The following CNKSR3 variants were observed in gnomAD, a reference collection of about 807,000 sequenced individuals.
The protein encoded by CNKSR3 is connector enhancer of kinase suppressor of ras 3.
Under a neutral mutation model 67.7 loss-of-function variants are expected in CNKSR3, and 36 were observed. The ratio of observed to expected loss-of-function variants is 0.53; its 90% CI spans 0.41 to 0.70. The LOEUF is 0.70. Ranked by LOEUF, CNKSR3 falls within the 30% of genes least tolerant of loss-of-function variation. The pLI is 0.00. For missense variants in CNKSR3, 630 were observed against 695.2 expected, an observed-to-expected ratio of 0.91 and a Z score of 1.05; for synonymous variants, 281 against 271.4, an observed-to-expected ratio of 1.04 and a Z score of -0.35.
In CNKSR3 at chr6:154,403,494, C is replaced by T. The variant is rs970727609; in HGVS notation, c.*2860G>A. The T allele has an allele frequency of 2.0e-5, 3 of 151,982 alleles. No individual in the cohort carries two copies. Among genetic ancestry groups the T allele is most frequent in the Admixed American group, 6.6e-5 (1 of 15,232 alleles). The allele number at this position is 151,982 out of a possible 1,614,324, so 9.4% of individuals were successfully genotyped here. On this transcript the variant is annotated 3_prime_UTR_variant, in exon 13 of 13. Coordinates refer to ENST00000607772, the MANE Select transcript of CNKSR3 (RefSeq NM_173515.4). ...TCAAGCAACTTCATATGTGAACACA[C>T]GTCCACAATTAAACCTGGATTACTA...
intron 1 of CNKSR3, among the ~76,000 whole-genome samples, chr6:154,476,902 C>T (rs1026627316): frequency 1.3e-5 from 2 of 152,004 alleles, no homozygotes; most frequent in Admixed American, 1.3e-4. Flanking sequence ...GACCTTAAAC[C>T]AGGTCTTAAG....
chr6:154,425,460 A>G (rs73790966), intron 7 of CNKSR3, among the ~76,000 whole-genome samples: 113 of 152,350 alleles, frequency 7.4e-4, no homozygotes, highest in African/African-American at 2.5e-3. Flanking sequence ...GCTCTTGCCT[A>G]TCTTCACCAT....
chr6:154,484,519 C>T (rs1786626624), intron 1 of CNKSR3, among the ~76,000 whole-genome samples: 1 of 152,016 alleles, frequency 6.6e-6, no homozygotes, highest in Admixed American at 6.6e-5. Flanking sequence ...GCCTGACCAA[C>T]ATGGTGAAAC....
intron 1 of CNKSR3, among the ~76,000 whole-genome samples, chr6:154,506,304 G>A (rs904191022): frequency 1.3e-5 from 2 of 151,964 alleles, no homozygotes; most frequent in Non-Finnish European, 2.9e-5. Flanking sequence ...GGAAAAGAGA[G>A]GAAAGGGGAG....
At chr6:154,451,539 GCACAGATGCACA>G (rs1278672597) in intron 1 of CNKSR3, among the ~76,000 whole-genome samples, 233 of 14,828 alleles carry the variant, frequency 0.016, no homozygotes, top group African/African-American at 0.076. Flanking sequence ...ACACGCACAC[GCACAGATGCACA>G]CACACATTTA....
chr6:154,441,206 A>C, intron 4 of CNKSR3, 86 bp downstream of exon 4: 1 of 985,290 alleles, frequency 1.0e-6, no homozygotes, highest in Non-Finnish European at 1.5e-6. Context: ...GTAGTACTTC[A>C]TACCTGCATG....
At chr6:154,456,994 T>C (rs1442733923) in intron 1 of CNKSR3, among the ~76,000 whole-genome samples, 1 of 152,084 alleles carries the variant, frequency 6.6e-6, no homozygotes, top group East Asian at 1.9e-4. Context: ...CTGACCACAA[T>C]ATTCTCAGAA....
chr6:154,414,333 T>C lies in CNKSR3; in HGVS notation c.1036A>G (p.Ile346Val), dbSNP rs1784970120. The C allele has an allele frequency of 1.9e-6, 3 of 1,611,208 alleles. No homozygotes were observed. Among genetic ancestry groups the C allele is most frequent in the Non-Finnish European group, 2.5e-6 (3 of 1,178,862 alleles). Residue 346 changes from isoleucine to valine, a missense_variant, in exon 10 of 13, where the codon ATT (isoleucine) becomes GTT (valine). Transcript: ENST00000607772. ...TAGGGAACAGCAGGCGGAGGAGGAA[T>C]ATAAAGATCCAGGATGGCTGACTTC... ...KEKSAILDLYIPPPPAVPYSP... is the reference protein window; with the variant it reads ...KEKSAILDLYVPPPPAVPYSP...
intron 9 of CNKSR3, among the ~76,000 whole-genome samples, chr6:154,415,227 C>CCTTTTTTTTTTTTTTTTTTTT (rs773533317): frequency 1.8e-5 from 2 of 112,764 alleles, no homozygotes; most frequent in Admixed American, 9.5e-5. Flanking sequence ...ACTAGCTGCC[C>CCTTTTTTTTTTTTTTTTTTTT]ATTTTTTTTT....
At chr6:154,427,336 A>G (rs1785277036) in intron 7 of CNKSR3, among the ~76,000 whole-genome samples, 1 of 152,162 alleles carries the variant, frequency 6.6e-6, no homozygotes, top group Non-Finnish European at 1.5e-5. Flanking sequence ...AATTTCCCCT[A>G]ATTTTAGGAA....
At chr6:154,411,463 A>C (rs536809118) in intron 10 of CNKSR3, among the ~76,000 whole-genome samples, 1 of 152,234 alleles carries the variant, frequency 6.6e-6, no homozygotes, top group African/African-American at 2.4e-5. Flanking sequence ...CCTGACAAAC[A>C]AGGTGAAACC....
Position 154,424,206 on chromosome 6 carries a change from A to G in CNKSR3, c.730-1223T>C, listed in dbSNP as rs1462839603. Among the ~76,000 whole-genome samples, 20 of 148,160 alleles carry G rather than the reference A, an allele frequency of 1.3e-4. 2 individuals are homozygous for G. Among genetic ancestry groups the G allele is most frequent in the South Asian group, 2.2e-4 (1 of 4,596 alleles). On this transcript the variant is annotated intron_variant, in intron 7 of 12. Transcript: ENST00000607772. ...AGATCGCGCCACTGCACTCCAGCCT[A>G]GGCGACAGAGCGAGACTCCGTCTCA...
chr6:154,445,638 C>A (rs553832654), intron 2 of CNKSR3, among the ~76,000 whole-genome samples: 1 of 152,270 alleles, frequency 6.6e-6, no homozygotes, highest in South Asian at 2.1e-4. Context: ...GGATTAAGAG[C>A]ATTTTATTGT....
intron 12 of CNKSR3, among the ~76,000 whole-genome samples, chr6:154,408,583 A>G (rs73011445): frequency 0.027 from 4,073 of 152,318 alleles, 92 homozygotes; most frequent in Non-Finnish European, 0.044. Context: ...TGTCCAGAAC[A>G]GGCAAATCCA....
chr6:154,408,475 T>C (rs1003229978), intron 12 of CNKSR3, among the ~76,000 whole-genome samples: 1 of 152,252 alleles, frequency 6.6e-6, no homozygotes, highest in African/African-American at 2.4e-5. Context: ...TGTTTTTCAA[T>C]GTACTTGCTT....
chr6:154,487,827 C>G (rs1457971567), intron 1 of CNKSR3, among the ~76,000 whole-genome samples: 1 of 152,210 alleles, frequency 6.6e-6, no homozygotes, highest in Admixed American at 6.5e-5. Context: ...TTACCTTCTT[C>G]CCTGTCAAAT....
intron 1 of CNKSR3, among the ~76,000 whole-genome samples, chr6:154,506,704 T>C (rs1787111472): frequency 6.6e-6 from 1 of 152,264 alleles, no homozygotes; most frequent in Admixed American, 6.5e-5. Flanking sequence ...CTGGGTTTTC[T>C]GTTATGTGCG....
intron 7 of CNKSR3, among the ~76,000 whole-genome samples, chr6:154,426,711 G>A (rs578141591): frequency 2.6e-5 from 4 of 152,290 alleles, no homozygotes; most frequent in African/African-American, 9.6e-5. Context: ...ATGCCTTCCA[G>A]TAGTAATTCT....
rs375627033 is a variant in CNKSR3, at chr6:154,510,048, C to G, written c.52+15G>C. 6.6e-5 allele frequency: 107 copies of G among 1,613,910 alleles called. No homozygotes were observed. Among genetic ancestry groups the G allele is most frequent in the South Asian group, 5.5e-4 (50 of 91,088 alleles). ...CGAGGCTGGAGGACTCCGGACCCCCCCAAGGCCCGCGCACCTCTAGTCCAG... is the reference window on the plus strand; with the variant it reads ...CGAGGCTGGAGGACTCCGGACCCCCGCAAGGCCCGCGCACCTCTAGTCCAG... On this transcript the variant is annotated intron_variant, in intron 1 of 12. Transcript: ENST00000607772.
Sources: allele counts gnomAD v4.1 joint callset (sites outside exome capture counted in the v4.1 genomes callset), GRCh38; gene constraint gnomAD v4.1.1; transcripts MANE v1.5; gene names NCBI Gene and HGNC (gene_info 2026-07-23, HGNC 2026-07-21).